The following STARD10 variants were observed in gnomAD, a reference collection of about 807,000 sequenced individuals.
The protein encoded by STARD10 is StAR related lipid transfer domain containing 10.
Under a neutral mutation model 36.0 loss-of-function variants are expected in STARD10, and 24 were observed. That is an observed-to-expected ratio of 0.67 (90% CI 0.48 to 0.94). The LOEUF (loss-of-function observed/expected upper bound fraction) is 0.94. STARD10 is among the 40% of genes least tolerant of loss of function. The pLI, the probability that STARD10 is intolerant of heterozygous loss-of-function variation, is 0.00. For synonymous variants in STARD10, 156 were observed against 161.9 expected (o/e 0.96, Z 0.28); for missense variants, 335 against 396.6 (o/e 0.84, Z 1.32).
At chr11:72,773,138 G>A (rs1240914144) in intron 2 of STARD10, among the ~76,000 whole-genome samples, 2 of 152,324 alleles carry the variant, frequency 1.3e-5, no homozygotes, top group African/African-American at 2.4e-5. Flanking sequence ...ATTAAGGACA[G>A]AGTAACCTTA....
At chr11:72,791,657 C>A (rs546049456) in intron 1 of STARD10, among the ~76,000 whole-genome samples, 3 of 150,970 alleles carry the variant, frequency 2.0e-5, no homozygotes, top group South Asian at 2.1e-4. Context: ...GAGCCAAGAT[C>A]GCACCCTTGC....
At chr11:72,768,160 C>G (rs572241479) in intron 2 of STARD10, among the ~76,000 whole-genome samples, 1 of 152,340 alleles carries the variant, frequency 6.6e-6, no homozygotes, top group South Asian at 2.1e-4. Context: ...CAGGCCCTGC[C>G]CTCACCATGC....
intron 2 of STARD10, among the ~76,000 whole-genome samples, chr11:72,777,149 C>T (rs1204056188): frequency 1.3e-5 from 2 of 152,264 alleles, no homozygotes; most frequent in Admixed American, 1.3e-4. Flanking sequence ...ACTGTCTGTC[C>T]TCTCTCCACC....
intron 1 of STARD10, among the ~76,000 whole-genome samples, chr11:72,783,132 G>A (rs2135626638): frequency 6.6e-6 from 1 of 152,330 alleles, no homozygotes; most frequent in South Asian, 2.1e-4. Context: ...TTGTCACGGT[G>A]CTTCACAAAT....
rs1182148437 is a variant in STARD10 at position 72,758,651 on chromosome 11, C to A, written c.356-18G>T. On this transcript the variant is annotated intron_variant, in intron 3 of 6. Transcript: ENST00000334805. ...ACACCTCCCTGTGGGGGGCAAGGGACAGTTCAGCCAGACCACTGGTCCACC... is the reference window on the plus strand; with the variant it reads ...ACACCTCCCTGTGGGGGGCAAGGGAAAGTTCAGCCAGACCACTGGTCCACC... The A allele has an allele frequency of 6.3e-7, 1 of 1,578,514 alleles. No individual in the cohort carries two copies. The highest frequency in any genetic ancestry group is 1.7e-5 in the Admixed American group (1 of 59,364).
chr11:72,763,137 AG>A (rs1042080658), intron 2 of STARD10, among the ~76,000 whole-genome samples: 7 of 117,432 alleles, frequency 6.0e-5, no homozygotes, highest in South Asian at 3.3e-4. Context: ...GAAATCCCCC[AG>A]TCCCAGGCAA....
chr11:72,761,232 C>G (rs1858712507), intron 2 of STARD10, among the ~76,000 whole-genome samples: 1 of 152,078 alleles, frequency 6.6e-6, no homozygotes, highest in Non-Finnish European at 1.5e-5. Flanking sequence ...TTCCACGGGA[C>G]TCCTGGCCCA....
At chr11:72,785,131 AC>A (rs1292425634) in intron 1 of STARD10, among the ~76,000 whole-genome samples, 21 of 151,966 alleles carry the variant, frequency 1.4e-4, no homozygotes, top group Non-Finnish European at 1.5e-5. Flanking sequence ...GGAGCCAGCC[AC>A]CCCATGACCT....
At chr11:72,783,810 C>CA (rs1859036451) in intron 1 of STARD10, among the ~76,000 whole-genome samples, 1 of 152,172 alleles carries the variant, frequency 6.6e-6, no homozygotes, top group African/African-American at 2.4e-5. Flanking sequence ...CAGGAGGTAG[C>CA]AGTGAGGGCA....
chr11:72,781,157 C>T lies in STARD10; in HGVS notation c.25G>A (p.Glu9Lys). The T allele has an allele frequency of 6.2e-7, 1 of 1,611,868 alleles. No homozygotes were observed. The highest frequency in any genetic ancestry group is 8.5e-7 in the Non-Finnish European group (1 of 1,179,972). MEKLAAST[E>K]PQGPRPVLGR... ...AGGACCGGCCGAGGCCCTTGGGGCT[C>T]TGTAGAGGCCGCCAGCTTCTCCATG... The change falls in exon 2 of 7, where the codon GAG becomes AAG. Residue 9 changes from glutamate to lysine, a missense_variant. Physicochemically the swap from Glu to Lys is moderately conservative, Grantham distance 56. Transcript: ENST00000334805. This position sits in a 1 kb window ranked among gnomAD's most constrained non-coding sequence, Gnocchi z 4.7.
Position 72,758,557 on chromosome 11 carries a change from G to A in STARD10, c.432C>T (p.Ile144=). The stretch of plus-strand genomic sequence containing the variant: ...GATGTTTGACTGAGTAGTTCATAAT[G>A]ATGTAATCAGCGCCCATGGGGAGCC... ...RSWLPMGADY[I]IMNYSVKHPK... Residue 144 remains isoleucine, a synonymous_variant, in exon 4 of 7, where the codon ATC becomes ATT. Coordinates refer to ENST00000334805, the MANE Select transcript of STARD10 (RefSeq NM_006645.3). The A allele has an allele frequency of 6.2e-7, 1 of 1,614,032 alleles. No individual in the cohort carries two copies.
In STARD10 at chr11:72,780,968, AC is replaced by A. The variant is rs1237125267; in HGVS notation, c.207+6del. ...GTGGAGGCTGCAGGTATAGCGGGCA[AC>A]CCTACCTTGATCTTGTGCAGCGTCC... On this transcript the variant is annotated splice_donor_region_variant and intron_variant, in intron 2 of 6. Transcript: ENST00000334805. The A allele has an allele frequency of 2.9e-5, 47 of 1,613,800 alleles. No homozygotes were observed. The highest frequency in any genetic ancestry group is 4.0e-5 in the Non-Finnish European group (47 of 1,179,900).
chr11:72,792,537 G>A (rs1460513994), intron 1 of STARD10, among the ~76,000 whole-genome samples: 6 of 150,796 alleles, frequency 4.0e-5, no homozygotes, highest in South Asian at 4.2e-4. Flanking sequence ...CAGCTCCACC[G>A]CTCCAAGGGT....
chr11:72,763,706 G>A (rs1430558853), intron 2 of STARD10, among the ~76,000 whole-genome samples: 7 of 152,310 alleles, frequency 4.6e-5, no homozygotes, highest in Non-Finnish European at 7.3e-5. Flanking sequence ...AAGGAACAAA[G>A]TGAAGGGAGG....
chr11:72,772,969 T>C lies in STARD10; in HGVS notation c.207+8006A>G, dbSNP rs143425199. On this transcript the variant is annotated intron_variant, in intron 2 of 6. Transcript: ENST00000334805. Reference sequence around the variant, plus strand: ...TCCCCACACTGCTCACAAAAGGCTGTCACTGTCTCCATGTGTCTCCCCATG... The same window carrying C: ...TCCCCACACTGCTCACAAAAGGCTGCCACTGTCTCCATGTGTCTCCCCATG... Among the ~76,000 whole-genome samples the C allele has an allele frequency of 3.5e-3, 526 of 152,300 alleles. 2 individuals carry two copies. The highest frequency in any genetic ancestry group is 0.012 in the African/African-American group (510 of 41,562).
chr11:72,781,028 C>A lies in STARD10; in HGVS notation c.154G>T (p.Val52Leu), dbSNP rs777093879. ...GWNLTYSRAG[V>L]SVWVQAVEMD... ...TCCACAGCCTGCACCCAGACAGACACCCCAGCCCTGCTATAGGTCAGGTTC... is the reference window on the plus strand; with the variant it reads ...TCCACAGCCTGCACCCAGACAGACAACCCAGCCCTGCTATAGGTCAGGTTC... Residue 52 changes from valine to leucine, a missense_variant, in exon 2 of 7, where the codon GTG (valine) becomes TTG (leucine). Physicochemically the swap from Val to Leu is conservative, Grantham distance 32. Coordinates refer to ENST00000334805, the MANE Select transcript of STARD10 (RefSeq NM_006645.3). The surrounding 1 kb of genome is among the most constrained non-coding windows in gnomAD (Gnocchi z 4.7). 2 of 1,614,184 alleles carry A rather than the reference C, an allele frequency of 1.2e-6. No individual in the cohort carries two copies. The highest frequency in any genetic ancestry group is 1.7e-6 in the Non-Finnish European group (2 of 1,180,030).
Position 72,759,966 on chromosome 11 carries a change from A to G in STARD10, c.208-585T>C, listed in dbSNP as rs562857156. 2.0e-5 allele frequency among the ~76,000 whole-genome samples: 3 copies of G among 151,884 alleles called. No individual in the cohort carries two copies. The South Asian group carries it at 6.2e-4, about 32-fold the overall frequency. Reference sequence around the variant, plus strand: ...GCTCTTGTCACCCAGGCTGGAGTGCAGTGGCGCGATCTTGGCTCACTGCAA... The same window carrying G: ...GCTCTTGTCACCCAGGCTGGAGTGCGGTGGCGCGATCTTGGCTCACTGCAA... On this transcript the variant is annotated intron_variant, in intron 2 of 6. Transcript: ENST00000334805.
chr11:72,755,884 A>G (rs1858638181), intron 5 of STARD10, 131 bp from the exon 6 acceptor site: 5 of 769,412 alleles, frequency 6.5e-6, no homozygotes, highest in Middle Eastern at 3.3e-4. Flanking sequence ...TGTGTGAGGC[A>G]AGTCCTACAA....
chr11:72,761,871 G>A (rs1038353400), intron 2 of STARD10, among the ~76,000 whole-genome samples: 8 of 142,892 alleles, frequency 5.6e-5, no homozygotes, highest in African/African-American at 2.1e-4. Context: ...AGATAGGAAT[G>A]TGATGGTTTC....
Sources: allele counts gnomAD v4.1 joint callset (sites outside exome capture counted in the v4.1 genomes callset), GRCh38; gene constraint gnomAD v4.1.1; non-coding constraint Gnocchi (gnomAD v3.1); transcripts MANE v1.5; gene names NCBI Gene and HGNC (gene_info 2026-07-23, HGNC 2026-07-21).